The following PALM2AKAP2 variants were observed in gnomAD, a reference collection of about 807,000 sequenced individuals.
The protein encoded by PALM2AKAP2 is PALM2 and AKAP2 fusion.
A neutral mutation model predicts 71.5 loss-of-function variants in PALM2AKAP2; 37 were observed. That is an observed-to-expected ratio of 0.52 (90% CI 0.40 to 0.68). PALM2AKAP2 has a LOEUF of 0.68. Among genes scored for constraint, PALM2AKAP2 ranks in the 30% least tolerant of loss-of-function variants. The pLI is 0.00. For synonymous variants in PALM2AKAP2, 468 were observed against 478.8 expected, an observed-to-expected ratio of 0.98 and a Z score of 0.29; for missense variants, 1,224 against 1,191.8, an observed-to-expected ratio of 1.03 and a Z score of -0.40.
intron 1 of PALM2AKAP2, among the ~76,000 whole-genome samples, chr9:109,679,772 A>G (rs1827702934): frequency 6.6e-6 from 1 of 152,140 alleles, no homozygotes; most frequent in African/African-American, 2.4e-5. Flanking sequence ...CTTCTCCCCT[A>G]GGGTAAAGAA....
In PALM2AKAP2 at chr9:109,854,524, G is replaced by T. The variant is rs185110730; in HGVS notation, c.46-12967G>T. On this transcript the variant is annotated intron_variant, in intron 1 of 9. Coordinates refer to the PALM2AKAP2 transcript ENST00000302798. ...ATTTTCCATGTTAGCCTACCTAATA[G>T]GGTGGGTTCACATAGAAATACTAGA... Among the ~76,000 whole-genome samples the T allele has an allele frequency of 1.8e-4, 27 of 152,220 alleles. No homozygotes were observed. The East Asian group carries it at 3.1e-3, about 17-fold the overall frequency.
chr9:109,755,273 C>T (rs1021808693), intron 1 of PALM2AKAP2, among the ~76,000 whole-genome samples: 14 of 152,140 alleles, frequency 9.2e-5, no homozygotes, highest in Non-Finnish European at 1.8e-4. Flanking sequence ...TCCTGACCAA[C>T]AAGGCTCTTT....
chr9:109,728,409 C>G (rs1000709034), intron 1 of PALM2AKAP2, among the ~76,000 whole-genome samples: 11 of 152,146 alleles, frequency 7.2e-5, no homozygotes, highest in African/African-American at 2.4e-4. Flanking sequence ...CCATCTTGCT[C>G]CTACTTCCAG....
intron 2 of PALM2AKAP2, among the ~76,000 whole-genome samples, chr9:110,154,697 C>T (rs1196664343): frequency 6.6e-6 from 1 of 152,082 alleles, no homozygotes; most frequent in Admixed American, 6.5e-5. Context: ...TAATTTAGAT[C>T]AAAGCAACAA....
chr9:110,082,787 C>T (rs1346743255), intron 1 of PALM2AKAP2, among the ~76,000 whole-genome samples: 1 of 152,128 alleles, frequency 6.6e-6, no homozygotes, highest in African/African-American at 2.4e-5. Context: ...GCAACTGTTG[C>T]CAACATTTTT....
chr9:110,076,561 G>T (rs1319337619), intron 1 of PALM2AKAP2, among the ~76,000 whole-genome samples: 1 of 144,250 alleles, frequency 6.9e-6, no homozygotes, highest in South Asian at 2.1e-4. Flanking sequence ...AAACTGGCAA[G>T]AATAAAATCT....
chr9:110,161,352 G>A (rs1836590968), intron 3 of PALM2AKAP2, among the ~76,000 whole-genome samples: 1 of 152,106 alleles, frequency 6.6e-6, no homozygotes, highest in Non-Finnish European at 1.5e-5. Context: ...TTCTGGAGAG[G>A]GATGTCCCAA....
intron 1 of PALM2AKAP2, among the ~76,000 whole-genome samples, chr9:109,642,452 A>G (rs989621230): frequency 4.7e-5 from 7 of 147,898 alleles, no homozygotes; most frequent in Non-Finnish European, 7.5e-5. Context: ...TTGGTGCAAC[A>G]GTAATTGCAG....
Position 110,071,645 on chromosome 9 carries a change from T to C in PALM2AKAP2, c.156+22790T>C, listed in dbSNP as rs187672882. ...ATCAATTATTTTTCATTTAAGAATC[T>C]TCCTGTGCAATGATTGCTCTATGCC... On this transcript the variant is annotated intron_variant, in intron 1 of 3. Coordinates refer to ENST00000374525, the Ensembl canonical transcript of PALM2AKAP2. 7.2e-5 allele frequency among the ~76,000 whole-genome samples: 11 copies of C among 152,364 alleles called. No individual in the cohort carries two copies. The East Asian group carries it at 2.1e-3, about 29-fold the overall frequency.
chr9:110,097,933 C>T lies in PALM2AKAP2; in HGVS notation c.157-38194C>T, dbSNP rs151277504. On this transcript the variant is annotated intron_variant, in intron 1 of 3. Coordinates refer to ENST00000374525, the Ensembl canonical transcript of PALM2AKAP2. ...CGGCACCTCGGGAGGCCAAGGCTGG[C>T]GGATCACTCGTGGTAAGGAGCTGGA... 9.8e-3 allele frequency among the ~76,000 whole-genome samples: 1,389 copies of T among 141,400 alleles called. 198 individuals are homozygous for T. The highest frequency in any genetic ancestry group is 0.039 in the African/African-American group (1,308 of 33,628). The allele number at this position is 141,400 out of a possible 152,430, so 92.8% of individuals were successfully genotyped here. A position where few individuals can be genotyped will look rare whatever the true frequency, so the allele number is the denominator to read the frequency against.
chr9:110,080,859 T>C (rs1834434468), intron 1 of PALM2AKAP2, among the ~76,000 whole-genome samples: 1 of 152,140 alleles, frequency 6.6e-6, no homozygotes, highest in Non-Finnish European at 1.5e-5. Flanking sequence ...TTTGTATTTT[T>C]AGTAGAGATG....
chr9:109,708,368 A>G (rs1476942853), intron 1 of PALM2AKAP2, among the ~76,000 whole-genome samples: 2 of 152,202 alleles, frequency 1.3e-5, no homozygotes, highest in Non-Finnish European at 2.9e-5. Context: ...CTGACTAAAG[A>G]CAAAATATTG....
intron 1 of PALM2AKAP2, among the ~76,000 whole-genome samples, chr9:110,110,348 AGTCTGTTCTT>A (rs1228983932): frequency 6.6e-6 from 1 of 152,024 alleles, no homozygotes; most frequent in Non-Finnish European, 1.5e-5. Context: ...CCCCAGAAAA[AGTCTGTTCTT>A]AGCTTTGATG....
chr9:110,039,802 A>T (rs962211620), intron 7 of PALM2AKAP2, among the ~76,000 whole-genome samples: 3 of 152,142 alleles, frequency 2.0e-5, no homozygotes, highest in Non-Finnish European at 2.9e-5. Flanking sequence ...CAGCACTTGG[A>T]CTCATCAACG....
chr9:109,880,474 C>T, intron 2 of PALM2AKAP2, 77 bp from the exon 3 acceptor site: 1 of 1,561,898 alleles, frequency 6.4e-7, no homozygotes, highest in Non-Finnish European at 8.7e-7. Flanking sequence ...GGAGCTAAAA[C>T]AGCACCACTG....
At chr9:110,129,949 T>G (rs1205238321) in intron 1 of PALM2AKAP2, among the ~76,000 whole-genome samples, 1 of 152,230 alleles carries the variant, frequency 6.6e-6, no homozygotes, top group Non-Finnish European at 1.5e-5. Flanking sequence ...AAAATTCACA[T>G]GTAAGGATCT....
chr9:109,944,531 G>A (rs547354712), intron 6 of PALM2AKAP2: 7 of 151,842 alleles, frequency 4.6e-5, no homozygotes, highest in African/African-American at 1.7e-4. Context: ...GAATGTTTTA[G>A]GTAACTTCAA....
At chr9:109,750,114 A>G (rs181829746) in intron 1 of PALM2AKAP2, among the ~76,000 whole-genome samples, 2 of 152,332 alleles carry the variant, frequency 1.3e-5, no homozygotes, top group Non-Finnish European at 1.5e-5. Flanking sequence ...GGACAGAAAG[A>G]CAAGGAGTGA....
At chr9:109,677,789 A>G (rs1827669583) in intron 1 of PALM2AKAP2, among the ~76,000 whole-genome samples, 1 of 152,210 alleles carries the variant, frequency 6.6e-6, no homozygotes, top group Non-Finnish European at 1.5e-5. Context: ...ATCAACATCC[A>G]TCACAGTAGC....
Sources: gnomAD v4.1 joint callset for allele counts (sites outside exome capture counted in the v4.1 genomes callset) on GRCh38, gnomAD v4.1.1 for gene constraint, MANE v1.5 for transcripts, NCBI Gene and HGNC (gene_info 2026-07-23, HGNC 2026-07-21) for gene names.